Variants in PROCR observed in about 807,000 individuals in gnomAD.
PROCR encodes endothelial protein C receptor.
A neutral mutation model predicts 24.2 loss-of-function variants in PROCR; 22 were observed. That is an observed-to-expected ratio of 0.91 (90% CI 0.65 to 1.30). The LOEUF (loss-of-function observed/expected upper bound fraction) is 1.30. Ranked by LOEUF, PROCR falls within the 50% of genes most tolerant of loss-of-function variation. The probability of loss-of-function intolerance (pLI) is 0.00; values close to 1 mark genes in which losing one functional copy is unlikely to be tolerated. For synonymous variants in PROCR, 137 were observed against 139.2 expected (o/e 0.98, Z 0.11); for missense variants, 288 against 307.7 (o/e 0.94, Z 0.48).
At chr20:35,184,493 A>C (rs1265666391) in intron 1 of PROCR, among the ~76,000 whole-genome samples, 2 of 151,830 alleles carry the variant, frequency 1.3e-5, no homozygotes, top group African/African-American at 4.8e-5. Context: ...CGAGGTCAGG[A>C]GATTGAGACC....
chr20:35,214,127 G>A (rs949595867), intron 1 of PROCR, among the ~76,000 whole-genome samples: 2 of 151,870 alleles, frequency 1.3e-5, no homozygotes, highest in African/African-American at 4.8e-5. Context: ...AATAAAAATT[G>A]CCTTCCCACC....
intron 1 of PROCR, among the ~76,000 whole-genome samples, chr20:35,193,183 T>C (rs893512161): frequency 5.1e-4 from 77 of 150,450 alleles, no homozygotes; most frequent in East Asian, 1.6e-3. Context: ...TCTTTCTTTT[T>C]TTTTTTTTTT....
At chr20:35,200,220 A>G (rs2146171779) in intron 1 of PROCR, among the ~76,000 whole-genome samples, 1 of 152,366 alleles carries the variant, frequency 6.6e-6, no homozygotes, top group East Asian at 1.9e-4. Flanking sequence ...TTGATAAAGA[A>G]GCAGCCAGAA....
intron 1 of PROCR, among the ~76,000 whole-genome samples, chr20:35,212,763 G>C (rs1320455988): frequency 6.6e-6 from 1 of 152,182 alleles, no homozygotes; most frequent in Non-Finnish European, 1.5e-5. Flanking sequence ...ATCTATCTAG[G>C]ATAAATTCTC....
upstream of PROCR, among the ~76,000 whole-genome samples, chr20:35,171,247 C>G (rs1178268665): frequency 6.6e-6 from 1 of 152,234 alleles, no homozygotes; most frequent in East Asian, 1.9e-4. Flanking sequence ...CACTGCTATC[C>G]AAAACTCATC....
intron 1 of PROCR, among the ~76,000 whole-genome samples, chr20:35,189,681 C>T (rs975128370): frequency 1.3e-5 from 2 of 152,134 alleles, no homozygotes; most frequent in Admixed American, 6.6e-5. Flanking sequence ...ATGTCTCCCC[C>T]GGACACCCAG....
At chr20:35,190,820 C>T (rs1431326394) in intron 1 of PROCR, among the ~76,000 whole-genome samples, 1 of 152,232 alleles carries the variant, frequency 6.6e-6, no homozygotes, top group Middle Eastern at 3.4e-3. Flanking sequence ...CGCATGTGAC[C>T]GTCCTACATA....
intron 1 of PROCR, among the ~76,000 whole-genome samples, chr20:35,185,259 A>G (rs1212698686): frequency 1.3e-5 from 2 of 152,212 alleles, no homozygotes; most frequent in South Asian, 4.1e-4. Flanking sequence ...GGATGCAGCA[A>G]TCAGGGAACA....
intron 1 of PROCR, among the ~76,000 whole-genome samples, chr20:35,197,616 G>A (rs1042772898): frequency 6.6e-6 from 1 of 152,086 alleles, no homozygotes. Flanking sequence ...AAGGTCAGGA[G>A]TTCGAGACTA....
intron 1 of PROCR, among the ~76,000 whole-genome samples, chr20:35,193,109 A>G (rs2086187615): frequency 6.6e-6 from 1 of 152,116 alleles, no homozygotes; most frequent in African/African-American, 2.4e-5. Flanking sequence ...GATATTGGTT[A>G]CATTTGGGAA....
At chr20:35,206,474 CAAAAAA>C (rs34186603) in intron 1 of PROCR, among the ~76,000 whole-genome samples, 1 of 68,782 alleles carries the variant, frequency 1.5e-5, no homozygotes, top group African/African-American at 5.5e-5. Context: ...GACTCTATCT[CAAAAAA>C]AAAAAAAAAA....
chr20:35,178,701 G>C (rs1295321207), downstream of PROCR, among the ~76,000 whole-genome samples: 8 of 137,592 alleles, frequency 5.8e-5, no homozygotes, highest in African/African-American at 8.2e-5. Context: ...ATTTTTAGTA[G>C]AGACGGGGTT....
chr20:35,189,479 T>A (rs1452470233), intron 1 of PROCR, among the ~76,000 whole-genome samples: 5 of 152,202 alleles, frequency 3.3e-5, no homozygotes. Flanking sequence ...TGGAACTTCA[T>A]TAATAATTCT....
intron 1 of PROCR, among the ~76,000 whole-genome samples, chr20:35,213,288 G>A (rs945989034): frequency 3.3e-5 from 5 of 151,962 alleles, no homozygotes; most frequent in Admixed American, 1.3e-4. Flanking sequence ...AGTTAAGATC[G>A]TGCCACTGCA....
At chr20:35,187,308 T>C (rs1356738110) in intron 1 of PROCR, among the ~76,000 whole-genome samples, 2 of 152,164 alleles carry the variant, frequency 1.3e-5, no homozygotes, top group Non-Finnish European at 2.9e-5. Context: ...GTGATCCACC[T>C]ACCTGGGCCT....
intron 1 of PROCR, among the ~76,000 whole-genome samples, chr20:35,189,172 C>T (rs548156687): frequency 1.3e-5 from 2 of 151,982 alleles, no homozygotes; most frequent in Non-Finnish European, 2.9e-5. Context: ...CCATATTTCT[C>T]TTATTACCAA....
chr20:35,213,969 G>A (rs998464060), intron 1 of PROCR, among the ~76,000 whole-genome samples: 28 of 151,944 alleles, frequency 1.8e-4, no homozygotes, highest in African/African-American at 6.5e-4. Context: ...TAGCTACTTC[G>A]GAGGCTGAGG....
At chr20:35,188,339 A>G (rs2086144910) in intron 1 of PROCR, among the ~76,000 whole-genome samples, 1 of 152,214 alleles carries the variant, frequency 6.6e-6, no homozygotes. Flanking sequence ...ATTCAAAGTA[A>G]TTATAAGCTA....
chr20:35,177,144 C>T lies in PROCR; in HGVS notation c.*331C>T. Reference sequence around the variant, plus strand: ...ATCCTCCAAAGACAGACAGAATCACCTGAGGCGTTCAAAAGATATAACCAA... The same window carrying T: ...ATCCTCCAAAGACAGACAGAATCACTTGAGGCGTTCAAAAGATATAACCAA... On this transcript the variant is annotated 3_prime_UTR_variant, in exon 4 of 4. Coordinates refer to ENST00000216968, the MANE Select transcript of PROCR (RefSeq NM_006404.5). 8.5e-7 allele frequency: 1 copy of T among 1,177,842 alleles called. No homozygotes were observed. The highest frequency in any genetic ancestry group is 1.1e-6 in the Non-Finnish European group (1 of 938,638). The allele number at this position is 1,177,842 out of a possible 1,614,324, so 73.0% of individuals were successfully genotyped here.
Sources: allele counts gnomAD v4.1 joint callset (sites outside exome capture counted in the v4.1 genomes callset), GRCh38; gene constraint gnomAD v4.1.1; transcripts MANE v1.5; gene names NCBI Gene and HGNC (gene_info 2026-07-23, HGNC 2026-07-21).